Variants in MAP4K3 observed in about 807,000 individuals in gnomAD.
The protein encoded by MAP4K3 is MAPK/ERK kinase kinase kinase 3.
In MAP4K3, 94 loss-of-function variants were observed where a neutral mutation model predicts 143.5. The observed-to-expected ratio is 0.65, with a 90% CI of 0.55 to 0.78. The LOEUF is 0.78. MAP4K3 is among the 30% of genes least tolerant of loss of function. MAP4K3 has a pLI of 0.00. For synonymous variants in MAP4K3, 416 were observed against 347.2 expected (o/e 1.20, Z -2.20); for missense variants, 1,077 against 1,068.1 (o/e 1.01, Z -0.12).
At chr2:39,407,236 T>C (rs1463945069) in intron 1 of MAP4K3, among the ~76,000 whole-genome samples, 1 of 151,140 alleles carries the variant, frequency 6.6e-6, no homozygotes, top group African/African-American at 2.4e-5. Context: ...AAATAGCATA[T>C]GAAAAAGACC....
At chr2:39,333,961 TTG>T (rs60361690) in intron 6 of MAP4K3, among the ~76,000 whole-genome samples, 8,671 of 144,056 alleles carry the variant, frequency 0.06, 296 homozygotes, top group Middle Eastern at 0.12. Flanking sequence ...TTTCCCATTT[TTG>T]TGTGTGTGTG....
chr2:39,350,107 C>T (rs1004205550), intron 3 of MAP4K3, among the ~76,000 whole-genome samples: 1 of 152,176 alleles, frequency 6.6e-6, no homozygotes, highest in Non-Finnish European at 1.5e-5. Context: ...AACTATCTTA[C>T]AATGCGCAGG....
At chr2:39,326,077 T>C in intron 9 of MAP4K3, 69 bp downstream of exon 9, 1 of 1,558,402 alleles carries the variant, frequency 6.4e-7, no homozygotes, top group East Asian at 2.2e-5. Flanking sequence ...AGAAAATTAC[T>C]TGTTCATGAC....
Position 39,286,857 on chromosome 2 carries a change from C to T in MAP4K3, c.1582G>A (p.Val528Ile), listed in dbSNP as rs200362958. Residue 528 changes from valine to isoleucine, a missense_variant, in exon 21 of 34, where the codon GTA (valine) becomes ATA (isoleucine). Val to Ile is a conservative substitution (Grantham distance 29). Transcript: ENST00000263881. The stretch of plus-strand genomic sequence containing the variant: ...TTATGACTATCAATACCTACTGGTA[C>T]ATCTTTCTTTTCTTTTCTTGAAAGG... ...TNLSRKEKKD[V>I]PKPISNGLPP... 267 of 1,594,814 alleles carry T rather than the reference C, an allele frequency of 1.7e-4. 1 individual carries two copies. The highest frequency in any genetic ancestry group is 2.2e-4 in the Non-Finnish European group (261 of 1,170,866).
intron 3 of MAP4K3, among the ~76,000 whole-genome samples, chr2:39,354,186 G>C (rs1478235307): frequency 2.0e-5 from 3 of 152,122 alleles, no homozygotes; most frequent in Non-Finnish European, 4.4e-5. Context: ...GCTCACGCGT[G>C]TAATCCCAGC....
At chr2:39,300,794 T>C (rs780382920) in intron 15 of MAP4K3, among the ~76,000 whole-genome samples, 4 of 152,196 alleles carry the variant, frequency 2.6e-5, no homozygotes, top group Non-Finnish European at 5.9e-5. Flanking sequence ...CCATAGCATT[T>C]AACACACAGA....
intron 26 of MAP4K3, among the ~76,000 whole-genome samples, chr2:39,271,529 C>T (rs532632541): frequency 6.6e-6 from 1 of 152,246 alleles, no homozygotes; most frequent in African/African-American, 2.4e-5. Context: ...AACGAAAGAA[C>T]AGAGCATAAT....
At position 39,386,820 on chromosome 2, in the gene MAP4K3, C is replaced by CTTTTTTTTTTTTTTTTT. The variant is rs56011585; in HGVS notation, c.97-8698_97-8697insAAAAAAAAAAAAAAAAA. Among the ~76,000 whole-genome samples the CTTTTTTTTTTTTTTTTT allele has an allele frequency of 6.8e-4, 95 of 139,096 alleles. 1 individual carries two copies. The highest frequency in any genetic ancestry group is 4.9e-3 in the East Asian group (23 of 4,722). The allele number at this position is 139,096 out of a possible 152,430, so 91.3% of individuals were successfully genotyped here. On this transcript the variant is annotated intron_variant, in intron 1 of 33. Coordinates refer to ENST00000263881, the MANE Select transcript of MAP4K3 (RefSeq NM_003618.4). ...GATTAGTGTAATTTTTTTTGTTGTT[C>CTTTTTTTTTTTTTTTTT]TTTTTTTTTTTTTGAGACGGAGTCT... is the stretch of plus-strand genomic sequence containing the variant.
intron 31 of MAP4K3, among the ~76,000 whole-genome samples, chr2:39,258,030 C>G (rs963546458): frequency 6.6e-6 from 1 of 152,006 alleles, no homozygotes; most frequent in East Asian, 1.9e-4. Flanking sequence ...TTCCCAGGTT[C>G]AAGTGATTCT....
chr2:39,337,752 GTTTTTTTTTTTT>G (rs570853243), intron 4 of MAP4K3, among the ~76,000 whole-genome samples, 171 bp from the exon 5 acceptor site: 7 of 70,520 alleles, frequency 9.9e-5, no homozygotes, highest in East Asian at 5.2e-4. Flanking sequence ...CCTGGCTCCA[GTTTTTTTTTTTT>G]TTTTTTTTTT....
intron 31 of MAP4K3, among the ~76,000 whole-genome samples, chr2:39,257,487 A>G (rs1680388618): frequency 6.6e-6 from 1 of 152,186 alleles, no homozygotes; most frequent in South Asian, 2.1e-4. Flanking sequence ...TGGGAATTCA[A>G]AACTATGTTA....
intron 2 of MAP4K3, among the ~76,000 whole-genome samples, chr2:39,372,972 A>G (rs975688855): frequency 2.0e-5 from 3 of 152,208 alleles, no homozygotes; most frequent in Non-Finnish European, 4.4e-5. Context: ...TCTGCATAGC[A>G]AAACAAATAA....
chr2:39,359,713 T>C (rs1665712282), intron 2 of MAP4K3, among the ~76,000 whole-genome samples: 1 of 152,266 alleles, frequency 6.6e-6, no homozygotes, highest in African/African-American at 2.4e-5. Flanking sequence ...TCTTGGTTTC[T>C]GTGCACCTGT....
At chr2:39,427,266 G>A (rs983832501) in intron 1 of MAP4K3, among the ~76,000 whole-genome samples, 2 of 151,930 alleles carry the variant, frequency 1.3e-5, no homozygotes, top group African/African-American at 2.4e-5. Context: ...ACAATGAGGA[G>A]GGGGAGGAGG....
intron 32 of MAP4K3, among the ~76,000 whole-genome samples, chr2:39,254,228 A>C (rs1680258417): frequency 6.6e-6 from 1 of 152,166 alleles, no homozygotes; most frequent in Middle Eastern, 3.2e-3. Flanking sequence ...TTTCAGACTG[A>C]TTATCTGGAA....
chr2:39,395,018 T>C (rs977824779), intron 1 of MAP4K3, among the ~76,000 whole-genome samples: 5 of 152,192 alleles, frequency 3.3e-5, no homozygotes, highest in Admixed American at 6.5e-5. Context: ...ATGATTCCAC[T>C]ATGACAGCAA....
At chr2:39,352,463 A>G (rs896600201) in intron 3 of MAP4K3, among the ~76,000 whole-genome samples, 3 of 152,214 alleles carry the variant, frequency 2.0e-5, no homozygotes, top group Non-Finnish European at 2.9e-5. Flanking sequence ...TAAAAGAAGT[A>G]ATAGTTAAGC....
intron 21 of MAP4K3, among the ~76,000 whole-genome samples, chr2:39,284,263 G>A (rs895909407): frequency 3.3e-5 from 5 of 152,034 alleles, no homozygotes. Context: ...CCAGGTTCAA[G>A]TGATTCTCGT....
At chr2:39,318,574 T>C (rs551633020) in intron 12 of MAP4K3, among the ~76,000 whole-genome samples, 1 of 152,118 alleles carries the variant, frequency 6.6e-6, no homozygotes, top group South Asian at 2.1e-4. Context: ...GTAACTAATA[T>C]ATGATATTTA....
Sources: allele counts gnomAD v4.1 joint callset (sites outside exome capture counted in the v4.1 genomes callset), GRCh38; gene constraint gnomAD v4.1.1; transcripts MANE v1.5; gene names NCBI Gene and HGNC (gene_info 2026-07-23, HGNC 2026-07-21).